The following WWOX variants were observed in gnomAD, a reference collection of about 807,000 sequenced individuals.
WWOX encodes WW domain-containing oxidoreductase.
Under a neutral mutation model 46.2 loss-of-function variants are expected in WWOX, and 69 were observed. That is an observed-to-expected ratio of 1.49 (90% CI 1.23 to 1.82). The LOEUF (loss-of-function observed/expected upper bound fraction) is 1.82, where lower values mean the gene tolerates loss of function less well. WWOX is among the 40% of genes most tolerant of loss of function. WWOX has a pLI of 0.00. For synonymous variants in WWOX, 359 were observed against 202.6 expected, an observed-to-expected ratio of 1.77 and a Z score of -6.56; for missense variants, 919 against 542.6, an observed-to-expected ratio of 1.69 and a Z score of -6.89.
intron 8 of WWOX, among the ~76,000 whole-genome samples, chr16:78,472,081 C>T (rs902120473): frequency 6.6e-6 from 1 of 152,082 alleles, no homozygotes; most frequent in Admixed American, 6.5e-5. Context: ...TCTTAGGCGC[C>T]TATGCTTGCA....
chr16:78,906,540 A>C (rs1164348676), intron 8 of WWOX, among the ~76,000 whole-genome samples: 2 of 152,104 alleles, frequency 1.3e-5, no homozygotes, highest in Non-Finnish European at 2.9e-5. Context: ...AGGGTAGTCC[A>C]CGGCTTCCAA....
chr16:79,147,738 G>A (rs545713777), intron 8 of WWOX, among the ~76,000 whole-genome samples: 1 of 152,282 alleles, frequency 6.6e-6, no homozygotes, highest in East Asian at 1.9e-4. Context: ...ATCTTCACCA[G>A]CATTTGGTGG....
intron 8 of WWOX, among the ~76,000 whole-genome samples, chr16:78,954,800 T>C (rs1056029350): frequency 6.6e-6 from 1 of 152,172 alleles, no homozygotes; most frequent in Non-Finnish European, 1.5e-5. Context: ...GTTATTATTA[T>C]GTTTTTTGAG....
chr16:79,118,157 C>G (rs1320631189), intron 8 of WWOX, among the ~76,000 whole-genome samples: 1 of 152,206 alleles, frequency 6.6e-6, no homozygotes, highest in Non-Finnish European at 1.5e-5. Context: ...GCAACTCTGA[C>G]TTTCTCTTGG....
chr16:78,941,519 T>C (rs78615505), intron 8 of WWOX, among the ~76,000 whole-genome samples: 1,524 of 151,946 alleles, frequency 0.01, 25 homozygotes, highest in African/African-American at 0.035. Flanking sequence ...GAGTTCATAG[T>C]AGTCCTGTAT....
intron 8 of WWOX, among the ~76,000 whole-genome samples, chr16:78,469,295 T>C (rs1036901003): frequency 6.6e-6 from 1 of 152,218 alleles, no homozygotes; most frequent in Non-Finnish European, 1.5e-5. Context: ...ACATTTCCCT[T>C]ATGCAATTTG....
At chr16:78,523,759 G>A (rs146805429) in intron 8 of WWOX, among the ~76,000 whole-genome samples, 17 of 152,282 alleles carry the variant, frequency 1.1e-4, no homozygotes, top group East Asian at 5.8e-4. Context: ...CCAGCACAAC[G>A]TCTGATTTAT....
At chr16:79,172,976 G>A (rs1036365992) in intron 8 of WWOX, among the ~76,000 whole-genome samples, 34 of 152,162 alleles carry the variant, frequency 2.2e-4, no homozygotes, top group Non-Finnish European at 2.9e-4. Context: ...AACCATGATG[G>A]TGCCACTGCA....
chr16:78,636,494 C>T (rs2046574913), intron 8 of WWOX, among the ~76,000 whole-genome samples: 1 of 152,184 alleles, frequency 6.6e-6, no homozygotes, highest in South Asian at 2.1e-4. Context: ...TGAGGTTCTG[C>T]TGTGTACTAT....
intron 8 of WWOX, among the ~76,000 whole-genome samples, chr16:79,074,713 C>G (rs2048621787): frequency 6.6e-6 from 1 of 152,002 alleles, no homozygotes; most frequent in East Asian, 1.9e-4. Context: ...TTATCCTCTT[C>G]TTCCCTCTAC....
chr16:78,643,874 T>G, intron 8 of WWOX, among the ~76,000 whole-genome samples: 1 of 150,194 alleles, frequency 6.7e-6, no homozygotes, highest in African/African-American at 2.4e-5. Flanking sequence ...TTGCCATAAT[T>G]AGTAACCTGC....
chr16:78,502,888 A>G (rs1336632931), intron 8 of WWOX, among the ~76,000 whole-genome samples: 2 of 152,194 alleles, frequency 1.3e-5, no homozygotes, highest in Non-Finnish European at 2.9e-5. Flanking sequence ...AAGGAAGGCA[A>G]TGGCGTTTTC....
At chr16:78,800,557 T>A (rs1186155597) in intron 8 of WWOX, among the ~76,000 whole-genome samples, 2 of 152,120 alleles carry the variant, frequency 1.3e-5, no homozygotes, top group African/African-American at 4.8e-5. Flanking sequence ...AAACGTGAAT[T>A]AATATGCAGA....
At chr16:78,493,322 G>C (rs2084831664) in intron 8 of WWOX, among the ~76,000 whole-genome samples, 1 of 152,172 alleles carries the variant, frequency 6.6e-6, no homozygotes, top group African/African-American at 2.4e-5. Context: ...TTTGGGTCCA[G>C]AAGCTTCCCT....
chr16:78,807,305 A>G (rs2051067536), intron 8 of WWOX, among the ~76,000 whole-genome samples: 1 of 152,270 alleles, frequency 6.6e-6, no homozygotes. Flanking sequence ...ATGTCAAAAT[A>G]CTTAAAAGTG....
intron 1 of WWOX, among the ~76,000 whole-genome samples, chr16:78,101,334 A>G (rs1294149833): frequency 6.6e-5 from 4 of 60,316 alleles, no homozygotes; most frequent in Non-Finnish European, 1.2e-4. Context: ...GGCGTGAGCT[A>G]CCGCTCCCGG....
At chr16:78,137,835 C>G (rs1201340661) in intron 4 of WWOX, among the ~76,000 whole-genome samples, 2 of 137,098 alleles carry the variant, frequency 1.5e-5, no homozygotes, top group Non-Finnish European at 3.3e-5. Flanking sequence ...ATGTGCTGTA[C>G]TTGAGCAGTA....
At chr16:78,406,207 C>T (rs1399046380) in intron 6 of WWOX, among the ~76,000 whole-genome samples, 1 of 149,092 alleles carries the variant, frequency 6.7e-6, no homozygotes. Context: ...ATGTTTATTG[C>T]TACCAATTTT....
At position 78,328,830 on chromosome 16, in the gene WWOX, CTTT is replaced by C. The variant is rs770633046; in HGVS notation, c.517-58026_517-58024del. On this transcript the variant is annotated intron_variant, in intron 5 of 8. Transcript: ENST00000566780. ...GTTGACCTTTTGCCGATGTGTTTTTCTTTTTTCTTTTCTTTTGTTTTCTTTTCT... is the reference window on the plus strand; with the variant it reads ...GTTGACCTTTTGCCGATGTGTTTTTCTTTCTTTTCTTTTGTTTTCTTTTCT... Among the ~76,000 whole-genome samples the C allele has an allele frequency of 0.012, 559 of 47,548 alleles. 4 individuals carry two copies. In the East Asian group the frequency reaches 0.17, roughly 14 times the overall value. The allele number at this position is 47,548 out of a possible 152,430, so 31.2% of individuals were successfully genotyped here. A position where few individuals can be genotyped will look rare whatever the true frequency, so the allele number is the denominator to read the frequency against.
Sources: gnomAD v4.1 joint callset for allele counts (sites outside exome capture counted in the v4.1 genomes callset) on GRCh38, gnomAD v4.1.1 for gene constraint, MANE v1.5 for transcripts, NCBI Gene and HGNC (gene_info 2026-07-23, HGNC 2026-07-21) for gene names.